SEMA3A: variants seen among roughly 807,000 people sequenced by gnomAD.
The protein encoded by SEMA3A is semaphorin-3A.
SEMA3A carries 29 observed loss-of-function variants against 97.9 expected under a neutral mutation model. That is an observed-to-expected ratio of 0.30 (90% CI 0.22 to 0.40). The LOEUF is 0.40. Among genes scored for constraint, SEMA3A ranks in the 10% least tolerant of loss-of-function variants. The pLI, the probability that SEMA3A is intolerant of heterozygous loss-of-function variation, is 1.00. For synonymous variants in SEMA3A, 321 were observed against 323.7 expected (o/e 0.99, Z 0.09); for missense variants, 763 against 951.3 (o/e 0.80, Z 2.60).
At chr7:84,020,651 T>C (rs1247633191) in intron 6 of SEMA3A, among the ~76,000 whole-genome samples, 5 of 152,138 alleles carry the variant, frequency 3.3e-5, no homozygotes, top group African/African-American at 1.2e-4. Flanking sequence ...AAATAAAATG[T>C]TATTTTACCT....
At chr7:84,258,804 T>G (rs1799775540) in intron 3 of SEMA3A, among the ~76,000 whole-genome samples, 1 of 152,162 alleles carries the variant, frequency 6.6e-6, no homozygotes, top group South Asian at 2.1e-4. Context: ...AGTCATAAAT[T>G]CCAACCACAA....
intron 1 of SEMA3A, among the ~76,000 whole-genome samples, chr7:84,447,704 G>A (rs1224300463): frequency 3.3e-5 from 5 of 152,142 alleles, no homozygotes; most frequent in South Asian, 2.1e-4. Flanking sequence ...CCAGTTGTCC[G>A]CATACCTCAT....
chr7:84,050,752 G>C (rs1359620444), intron 5 of SEMA3A, among the ~76,000 whole-genome samples: 1 of 152,118 alleles, frequency 6.6e-6, no homozygotes, highest in Non-Finnish European at 1.5e-5. Flanking sequence ...TGTTGCCATG[G>C]CTTTTGGTGT....
At chr7:84,388,708 C>A (rs558622098) in intron 1 of SEMA3A, among the ~76,000 whole-genome samples, 23 of 151,910 alleles carry the variant, frequency 1.5e-4, no homozygotes, top group Non-Finnish European at 3.2e-4. Context: ...ATAATAGAAG[C>A]ACAAATATGT....
At chr7:84,147,210 AC>A (rs1265115021) in intron 1 of SEMA3A, among the ~76,000 whole-genome samples, 1 of 152,190 alleles carries the variant, frequency 6.6e-6, no homozygotes, top group Non-Finnish European at 1.5e-5. Flanking sequence ...CCACTTTGTC[AC>A]CCACTACCTG....
upstream of SEMA3A, among the ~76,000 whole-genome samples, chr7:84,196,749 GGGATTATT>G (rs1350910863): frequency 1.3e-5 from 2 of 152,014 alleles, no homozygotes; most frequent in African/African-American, 4.8e-5. Flanking sequence ...ATGTCGCTTT[GGGATTATT>G]TCAAGGATTG....
chr7:84,331,879 T>C (rs1801918727), intron 2 of SEMA3A, among the ~76,000 whole-genome samples: 1 of 152,078 alleles, frequency 6.6e-6, no homozygotes, highest in Non-Finnish European at 1.5e-5. Context: ...AATAGAAATG[T>C]GGATGAGAGC....
chr7:84,220,341 A>C (rs1010825884), intron 3 of SEMA3A, among the ~76,000 whole-genome samples: 3 of 152,126 alleles, frequency 2.0e-5, no homozygotes, highest in Admixed American at 6.5e-5. Context: ...CTGAAGTCTT[A>C]AAATCCTCAA....
chr7:84,245,762 G>A (rs1021578621), intron 3 of SEMA3A, among the ~76,000 whole-genome samples: 1 of 151,916 alleles, frequency 6.6e-6, no homozygotes, highest in African/African-American at 2.4e-5. Flanking sequence ...GATGCCAGCT[G>A]GAGTTCTACC....
intron 3 of SEMA3A, among the ~76,000 whole-genome samples, chr7:84,304,899 T>G (rs913143520): frequency 3.3e-5 from 5 of 152,068 alleles, no homozygotes; most frequent in Non-Finnish European, 7.4e-5. Context: ...ATGTGGAATT[T>G]TATTTACTTT....
rs1427753956 is a variant in SEMA3A at position 84,365,062 on chromosome 7, AT to A, written c.-169+6761del. On this transcript the variant is annotated intron_variant, in intron 2 of 3. Coordinates refer to the SEMA3A transcript ENST00000424555. ...GGCACTACAAAGGGAATAAAAAAAA[AT>A]ATGACAATTAAATAATAATAATTAG... Among the ~76,000 whole-genome samples the A allele has an allele frequency of 3.2e-4, 48 of 151,772 alleles. 1 individual carries two copies. The highest frequency in any genetic ancestry group is 1.8e-3 in the Admixed American group (28 of 15,158).
chr7:84,217,218 A>G (rs895980848), intron 3 of SEMA3A, among the ~76,000 whole-genome samples: 5 of 152,222 alleles, frequency 3.3e-5, no homozygotes, highest in Non-Finnish European at 7.3e-5. Flanking sequence ...AATTTCATTC[A>G]TAAGTGTTTC....
chr7:84,317,941 C>A, intron 2 of SEMA3A, among the ~76,000 whole-genome samples: 1 of 151,708 alleles, frequency 6.6e-6, no homozygotes, highest in Non-Finnish European at 1.5e-5. Context: ...ATTGTTATGC[C>A]ATAAAAATAG....
chr7:84,258,904 G>A (rs1799778242), intron 3 of SEMA3A, among the ~76,000 whole-genome samples: 1 of 148,438 alleles, frequency 6.7e-6, no homozygotes, highest in African/African-American at 2.5e-5. Context: ...CAGAAGGGAT[G>A]ATTTTTTTTT....
At chr7:84,207,295 C>G (rs751943149) in intron 3 of SEMA3A, among the ~76,000 whole-genome samples, 1 of 152,116 alleles carries the variant, frequency 6.6e-6, no homozygotes, top group Non-Finnish European at 1.5e-5. Context: ...GTGGGGCTGA[C>G]AGCAAGAGAC....
chr7:84,085,269 T>A (rs1190006484), intron 4 of SEMA3A, among the ~76,000 whole-genome samples: 2 of 151,554 alleles, frequency 1.3e-5, no homozygotes, highest in African/African-American at 4.9e-5. Flanking sequence ...ATCAATGGAC[T>A]GCATTGAAGT....
At chr7:83,977,324 A>G (rs1313964868) in intron 14 of SEMA3A, 128 bp from the exon 15 acceptor site, 1 of 414,668 alleles carries the variant, frequency 2.4e-6, no homozygotes, top group East Asian at 3.8e-5. Flanking sequence ...ACAGGAACAG[A>G]TGAATCTACA....
chr7:84,146,914 G>A (rs1018867599), intron 1 of SEMA3A, among the ~76,000 whole-genome samples: 1 of 152,074 alleles, frequency 6.6e-6, no homozygotes, highest in African/African-American at 2.4e-5. Context: ...ACCTATGAGC[G>A]GTAAGCATTG....
chr7:84,004,329 T>C (rs1355362532), intron 11 of SEMA3A, among the ~76,000 whole-genome samples: 7 of 152,108 alleles, frequency 4.6e-5, no homozygotes, highest in Non-Finnish European at 1.0e-4. Flanking sequence ...CCTGAAAAAG[T>C]CTGTTTCTAA....
Sources: allele counts gnomAD v4.1 joint callset (sites outside exome capture counted in the v4.1 genomes callset), GRCh38; gene constraint gnomAD v4.1.1; transcripts MANE v1.5; gene names NCBI Gene and HGNC (gene_info 2026-07-23, HGNC 2026-07-21).